The following KCNH7 variants were observed in gnomAD, a reference collection of about 807,000 sequenced individuals.
KCNH7 encodes potassium voltage-gated channel subfamily H member 7, also known as voltage-gated inwardly rectifying potassium channel KCNH7.
Under a neutral mutation model 120.8 loss-of-function variants are expected in KCNH7, and 49 were observed. The observed-to-expected ratio is 0.41, with a 90% CI of 0.32 to 0.51. The LOEUF (loss-of-function observed/expected upper bound fraction) is 0.51, where lower values mean the gene tolerates loss of function less well. KCNH7 is among the 20% of genes least tolerant of loss of function. The probability of loss-of-function intolerance (pLI) is 0.38; values close to 1 mark genes in which losing one functional copy is unlikely to be tolerated. For synonymous variants in KCNH7, 547 were observed against 516.1 expected (o/e 1.06, Z -0.81); for missense variants, 1,097 against 1,446.6 (o/e 0.76, Z 3.92).
chr2:162,631,974 C>T (rs979918633), intron 2 of KCNH7, among the ~76,000 whole-genome samples: 1 of 151,728 alleles, frequency 6.6e-6, no homozygotes. Context: ...GTCCTGCTAC[C>T]AAATGTAAGG....
chr2:162,418,390 G>T (rs192398394), intron 9 of KCNH7, among the ~76,000 whole-genome samples: 1 of 152,158 alleles, frequency 6.6e-6, no homozygotes, highest in Admixed American at 6.6e-5. Flanking sequence ...AACTTCAGTA[G>T]ATAAAAAATC....
chr2:162,396,995 T>C, intron 10 of KCNH7, 50 bp from the exon 11 acceptor site: 4 of 1,260,920 alleles, frequency 3.2e-6, no homozygotes, highest in Non-Finnish European at 4.6e-6. Flanking sequence ...CCAAACTCAA[T>C]GTTCTCCTTC....
At chr2:162,401,545 C>T (rs1445892482) in intron 9 of KCNH7, among the ~76,000 whole-genome samples, 1 of 151,832 alleles carries the variant, frequency 6.6e-6, no homozygotes, top group Non-Finnish European at 1.5e-5. Context: ...ATTTGGCTCA[C>T]AGAGGAACTT....
At chr2:162,561,212 G>C (rs1166501280) in intron 2 of KCNH7, among the ~76,000 whole-genome samples, 1 of 151,972 alleles carries the variant, frequency 6.6e-6, no homozygotes, top group African/African-American at 2.4e-5. Context: ...CATTCATGAT[G>C]CATATGCTCC....
intron 2 of KCNH7, among the ~76,000 whole-genome samples, chr2:162,619,207 C>A (rs976510362): frequency 6.6e-6 from 1 of 151,984 alleles, no homozygotes; most frequent in African/African-American, 2.4e-5. Flanking sequence ...AGTAACACAC[C>A]TTAAGAAATA....
intron 2 of KCNH7, among the ~76,000 whole-genome samples, chr2:162,581,165 G>A (rs781665984): frequency 9.2e-5 from 14 of 152,018 alleles, no homozygotes; most frequent in African/African-American, 2.2e-4. Context: ...CCTGATTTCT[G>A]AGCAGAAGAA....
intron 6 of KCNH7, among the ~76,000 whole-genome samples, chr2:162,447,185 G>T (rs1277103113): frequency 6.6e-6 from 1 of 152,026 alleles, no homozygotes; most frequent in Non-Finnish European, 1.5e-5. Flanking sequence ...TAGACACCAA[G>T]TGGTACTTCA....
At chr2:162,537,503 T>A (rs1041329808) in intron 2 of KCNH7, among the ~76,000 whole-genome samples, 4 of 152,070 alleles carry the variant, frequency 2.6e-5, no homozygotes, top group Admixed American at 1.3e-4. Context: ...ATTTTAAAAA[T>A]AAGCAACTTA....
chr2:162,809,012 A>G (rs1019660357), intron 2 of KCNH7, among the ~76,000 whole-genome samples: 3 of 152,182 alleles, frequency 2.0e-5, no homozygotes, highest in African/African-American at 7.2e-5. Flanking sequence ...ATCCACTGAT[A>G]GACTTTTCTA....
At chr2:162,783,109 A>G (rs1321460174) in intron 2 of KCNH7, among the ~76,000 whole-genome samples, 2 of 152,156 alleles carry the variant, frequency 1.3e-5, no homozygotes, top group African/African-American at 4.8e-5. Flanking sequence ...TGGAGCCACA[A>G]AGGTAATAAC....
In KCNH7 at chr2:162,515,283, G is replaced by A. The variant is rs925094915; in HGVS notation, c.892+2447C>T. ...CACCAAATGTTTATGTATAGCACCC[G>A]TACTGAGAAATCCAAAAATATTAAA... On this transcript the variant is annotated intron_variant, in intron 4 of 15. Transcript: ENST00000332142. 7.9e-5 allele frequency among the ~76,000 whole-genome samples: 12 copies of A among 151,706 alleles called. 1 individual carries two copies. Among genetic ancestry groups the A allele is most frequent in the East Asian group, 5.9e-4 (3 of 5,096 alleles).
At chr2:162,597,308 C>G (rs1045294174) in intron 2 of KCNH7, among the ~76,000 whole-genome samples, 1 of 151,898 alleles carries the variant, frequency 6.6e-6, no homozygotes, top group African/African-American at 2.4e-5. Flanking sequence ...GCTCGATGAT[C>G]AATTGATTAA....
chr2:162,827,530 G>C (rs1685330388), intron 2 of KCNH7, among the ~76,000 whole-genome samples: 1 of 94,240 alleles, frequency 1.1e-5, no homozygotes, highest in Non-Finnish European at 2.7e-5. Flanking sequence ...CACTCTGCCT[G>C]ATATTCATTT....
Position 162,384,913 on chromosome 2 carries a change from A to C in KCNH7, c.2737T>G (p.Ser913Ala). Reference sequence around the variant, plus strand: ...TGATAATGTCTTATGGTATCTGCAGAGTCTTCAGGATCATTTGTACTGTTT... The same window carrying C: ...TGATAATGTCTTATGGTATCTGCAGCGTCTTCAGGATCATTTGTACTGTTT... ...KENSTNDPED[S>A]ADTIRHYQSS... The change falls in exon 13 of 16, where the codon TCT becomes GCT. Residue 913 changes from serine to alanine, a missense_variant. By Grantham distance (99) the Ser-to-Ala change is moderately conservative. Coordinates refer to ENST00000332142, the MANE Select transcript of KCNH7 (RefSeq NM_033272.4). 4 of 1,610,890 alleles carry C rather than the reference A, an allele frequency of 2.5e-6. No homozygotes were observed. Among genetic ancestry groups the C allele is most frequent in the Non-Finnish European group, 3.4e-6 (4 of 1,178,240 alleles).
intron 9 of KCNH7, among the ~76,000 whole-genome samples, 170 bp from the exon 10 acceptor site, chr2:162,400,611 C>T (rs1408896648): frequency 6.6e-6 from 1 of 151,866 alleles, no homozygotes; most frequent in Non-Finnish European, 1.5e-5. Context: ...CTAAACATGT[C>T]AAAATTTTTA....
chr2:162,419,418 G>A (rs186308371), intron 9 of KCNH7, among the ~76,000 whole-genome samples: 6 of 151,802 alleles, frequency 4.0e-5, no homozygotes, highest in African/African-American at 7.2e-5. Context: ...CCATAATAAC[G>A]TTTCTGCACA....
chr2:162,773,924 A>G (rs1816505), intron 2 of KCNH7, among the ~76,000 whole-genome samples: 42,609 of 152,056 alleles, frequency 0.28, 6,919 homozygotes, highest in African/African-American at 0.45. Flanking sequence ...GCTTTCACCA[A>G]TTGTGACAAT....
chr2:162,547,478 T>C (rs1476987333), intron 2 of KCNH7, among the ~76,000 whole-genome samples: 3 of 152,200 alleles, frequency 2.0e-5, no homozygotes, highest in Non-Finnish European at 4.4e-5. Flanking sequence ...CTGATTTTGA[T>C]AATAGCTAAC....
chr2:162,428,263 T>C (rs1687931855), intron 8 of KCNH7, among the ~76,000 whole-genome samples: 2 of 151,934 alleles, frequency 1.3e-5, no homozygotes, highest in Non-Finnish European at 1.5e-5. Flanking sequence ...AACTGTGAGC[T>C]ATTTGGAACC....
Sources: allele counts gnomAD v4.1 joint callset (sites outside exome capture counted in the v4.1 genomes callset), GRCh38; gene constraint gnomAD v4.1.1; transcripts MANE v1.5; gene names NCBI Gene and HGNC (gene_info 2026-07-23, HGNC 2026-07-21).